The following UBN1 variants were observed in gnomAD, a reference collection of about 807,000 sequenced individuals.
UBN1 encodes the protein ubinuclein 1, also known as ubinuclein-1.
UBN1 carries 17 observed loss-of-function variants against 108.5 expected under a neutral mutation model. That is an observed-to-expected ratio of 0.16 (90% CI 0.11 to 0.24). The LOEUF (loss-of-function observed/expected upper bound fraction) is 0.24. Ranked by LOEUF, UBN1 falls within the 10% of genes least tolerant of loss-of-function variation. The probability of loss-of-function intolerance (pLI) is 1.00; values close to 1 mark genes in which losing one functional copy is unlikely to be tolerated. For synonymous variants in UBN1, 726 were observed against 564.2 expected (o/e 1.29, Z -4.07); for missense variants, 1,595 against 1,394.4 (o/e 1.14, Z -2.29).
At chr16:4,858,420 G>A (rs2086906408) in intron 3 of UBN1, 148 bp from the exon 4 acceptor site, 2 of 679,184 alleles carry the variant, frequency 2.9e-6, no homozygotes, top group Admixed American at 2.7e-5. Flanking sequence ...TTTCAGGAAA[G>A]GAGGTTTTGG....
intron 7 of UBN1, among the ~76,000 whole-genome samples, chr16:4,862,878 T>TA (rs1421966559): frequency 2.6e-5 from 4 of 152,246 alleles, no homozygotes; most frequent in Non-Finnish European, 5.9e-5. Flanking sequence ...CAGTTAGCTC[T>TA]TGGGCATAAC....
rs1356892607 is a variant in UBN1 at position 4,880,330 on chromosome 16, G to C, written c.*198G>C. The C allele has an allele frequency of 4.3e-5, 26 of 602,730 alleles. No homozygotes were observed. The highest frequency in any genetic ancestry group is 7.7e-5 in the Non-Finnish European group (26 of 337,482). 37.3% of individuals were successfully genotyped at this position (602,730 alleles called of 1,614,324 possible). A position where few individuals can be genotyped will look rare whatever the true frequency, so the allele number is the denominator to read the frequency against. On this transcript the variant is annotated 3_prime_UTR_variant, in exon 18 of 18. Transcript: ENST00000262376. ...GGGCCCTTGCTGCTCAGGAGGTGCA[G>C]ACTGCCCCGTGCTCTGGGCCTTGCA...
chr16:4,865,477 TC>T (rs2087284415), intron 7 of UBN1, among the ~76,000 whole-genome samples: 1 of 151,946 alleles, frequency 6.6e-6, no homozygotes, highest in South Asian at 2.1e-4. Context: ...GCCCAGGAGT[TC>T]CAGACCAGCC....
At chr16:4,879,614 T>C (rs1259627851) in intron 17 of UBN1, among the ~76,000 whole-genome samples, 2 of 152,274 alleles carry the variant, frequency 1.3e-5, no homozygotes, top group Non-Finnish European at 2.9e-5. Context: ...TATTTGCGCA[T>C]TTCAGCTGCG....
At chr16:4,873,656 T>A (rs2087743989) in intron 14 of UBN1, among the ~76,000 whole-genome samples, 1 of 152,188 alleles carries the variant, frequency 6.6e-6, no homozygotes, top group Non-Finnish European at 1.5e-5. Flanking sequence ...CTCCTAAGTA[T>A]CTGTTGAGCT....
intron 12 of UBN1, among the ~76,000 whole-genome samples, chr16:4,871,969 G>C (rs565403255): frequency 6.6e-6 from 1 of 152,334 alleles, no homozygotes; most frequent in Non-Finnish European, 1.5e-5. Context: ...TCCTGAAGAA[G>C]TGTCATTTGC....
At chr16:4,860,287 C>T (rs951382958) in intron 6 of UBN1, among the ~76,000 whole-genome samples, 7 of 152,218 alleles carry the variant, frequency 4.6e-5, no homozygotes, top group African/African-American at 1.7e-4. Context: ...GTCATGCTTC[C>T]TTCTCCTCAC....
At chr16:4,872,293 G>A in intron 12 of UBN1, 1 of 985,424 alleles carries the variant, frequency 1.0e-6, no homozygotes, top group African/African-American at 1.7e-5. Flanking sequence ...AATAAGGAAA[G>A]TGCTGTGCCC....
At chr16:4,859,500 C>T (rs989281401) in intron 5 of UBN1, among the ~76,000 whole-genome samples, 1 of 152,192 alleles carries the variant, frequency 6.6e-6, no homozygotes, top group Non-Finnish European at 1.5e-5. Context: ...ATGTAGAGGA[C>T]TTCAGTTTCA....
intron 1 of UBN1, among the ~76,000 whole-genome samples, chr16:4,851,933 G>A (rs750904407): frequency 6.6e-5 from 10 of 152,138 alleles, no homozygotes; most frequent in African/African-American, 2.4e-4. Context: ...GACAGATTTT[G>A]TATATCTATA....
Position 4,877,223 on chromosome 16 carries a change from G to A in UBN1, c.3265+112G>A, listed in dbSNP as rs775990318. 138 of 1,515,538 alleles carry A rather than the reference G, an allele frequency of 9.1e-5. No individual in the cohort carries two copies. Among genetic ancestry groups the A allele is most frequent in the South Asian group, 5.7e-4 (44 of 76,962 alleles). 93.9% of individuals were successfully genotyped at this position (1,515,538 alleles called of 1,614,324 possible). On this transcript the variant is annotated intron_variant, in intron 16 of 17. Coordinates refer to ENST00000262376, the MANE Select transcript of UBN1 (RefSeq NM_001079514.3). The surrounding 1 kb of genome is among the most constrained non-coding windows in gnomAD (Gnocchi z 4.3). The stretch of plus-strand genomic sequence containing the variant: ...TTTGAGTCTGGTGTGTGACTGTGGG[G>A]AACATCTCCGGGAACTGTGCCAAGC...
At chr16:4,870,363 C>A in intron 9 of UBN1, 22 bp downstream of exon 9, 1 of 1,613,424 alleles carries the variant, frequency 6.2e-7, no homozygotes, top group African/African-American at 1.3e-5. Flanking sequence ...TAGAGTGAAG[C>A]CCTTTGGCTT....
At chr16:4,862,671 G>A (rs1409872380) in intron 7 of UBN1, among the ~76,000 whole-genome samples, 2 of 152,210 alleles carry the variant, frequency 1.3e-5, no homozygotes, top group Non-Finnish European at 2.9e-5. Context: ...CCAGATTCTT[G>A]GCTGTGTCCC....
chr16:4,862,452 G>C (rs1486023073), intron 7 of UBN1, among the ~76,000 whole-genome samples: 1 of 152,220 alleles, frequency 6.6e-6, no homozygotes, highest in African/African-American at 2.4e-5. Flanking sequence ...CTCTTAGTAT[G>C]ACATTGAGGT....
chr16:4,870,068 T>G, intron 8 of UBN1, 144 bp from the exon 9 acceptor site: 1 of 1,212,870 alleles, frequency 8.2e-7, no homozygotes, highest in Non-Finnish European at 1.1e-6. Flanking sequence ...ATGTGTTTCC[T>G]TGGGCATTCA....
intron 2 of UBN1, among the ~76,000 whole-genome samples, chr16:4,857,732 G>A (rs572029305): frequency 3.3e-5 from 5 of 152,312 alleles, no homozygotes; most frequent in African/African-American, 9.6e-5. Context: ...AAGGCCCTTT[G>A]CTGTCTTTGA....
chr16:4,860,815 G>C lies in UBN1; in HGVS notation c.823G>C (p.Glu275Gln). The C allele has an allele frequency of 6.2e-7, 1 of 1,614,284 alleles. No individual in the cohort carries two copies. The highest frequency in any genetic ancestry group is 8.5e-7 in the Non-Finnish European group (1 of 1,180,048). Residue 275 changes from glutamate to glutamine, a missense_variant, in exon 7 of 18, where the codon GAA becomes CAA. This residue lies in a region of UBN1 where 1,398 missense variants were observed against 1,194.7 expected (regional missense o/e 1.17). Transcript: ENST00000262376. ...TAAGCCTGTTGCGGTCCCATCAGCG[G>C]AAGCTCAGGGCCTGCGGGAACTGGA... is the stretch of plus-strand genomic sequence containing the variant. ...EHKPVAVPSA[E>Q]AQGLRELEGA... is the part of the protein sequence containing the mutation.
At chr16:4,860,089 C>T in intron 6 of UBN1, 121 bp downstream of exon 6, 1 of 1,252,744 alleles carries the variant, frequency 8.0e-7, no homozygotes, top group Non-Finnish European at 1.1e-6. Context: ...CCTTCCTGTC[C>T]TCCCGCACGC....
At chr16:4,872,440 C>A in intron 12 of UBN1, 4 of 149,006 alleles carry the variant, frequency 2.7e-5, no homozygotes, top group Non-Finnish European at 3.7e-5. Flanking sequence ...ATCCATTGAC[C>A]TTTTTTTTTG....
Sources: gnomAD v4.1 joint callset for allele counts (sites outside exome capture counted in the v4.1 genomes callset) on GRCh38, gnomAD v4.1.1 for gene constraint, gnomAD v4.1.1 regional missense constraint, Gnocchi (gnomAD v3.1) non-coding constraint, MANE v1.5 for transcripts, NCBI Gene and HGNC (gene_info 2026-07-23, HGNC 2026-07-21) for gene names.